The following SNX24 variants were observed in gnomAD, a reference collection of about 807,000 sequenced individuals.
SNX24 encodes sorting nexin 24.
A neutral mutation model predicts 28.7 loss-of-function variants in SNX24; 22 were observed. That is an observed-to-expected ratio of 0.77 (90% CI 0.55 to 1.10). The LOEUF is 1.10. SNX24 is among the 50% of genes least tolerant of loss of function. The probability of loss-of-function intolerance (pLI) is 0.00; values close to 1 mark genes in which losing one functional copy is unlikely to be tolerated. For synonymous variants in SNX24, 69 were observed against 71.5 expected (o/e 0.96, Z 0.18); for missense variants, 221 against 201.1 (o/e 1.10, Z -0.60).
At chr5:122,980,842 A>C (rs1441314978) in intron 3 of SNX24, among the ~76,000 whole-genome samples, 2 of 152,196 alleles carry the variant, frequency 1.3e-5, no homozygotes, top group East Asian at 3.9e-4. Flanking sequence ...TTGAAAAGAA[A>C]GAAGACCTTC....
rs1448787352 is a variant in SNX24 at position 122,845,706 on chromosome 5, C to T, written c.60+13C>T. 7.3e-7 allele frequency: 1 copy of T among 1,370,196 alleles called. No homozygotes were observed. Among genetic ancestry groups the T allele is most frequent in the East Asian group, 2.8e-5 (1 of 35,544 alleles). The allele number at this position is 1,370,196 out of a possible 1,614,324, so 84.9% of individuals were successfully genotyped here. A position where few individuals can be genotyped will look rare whatever the true frequency, so the allele number is the denominator to read the frequency against. ...GCGGGGATACACGGTAGGCGCGGGC[C>T]GCGGGCGGACAGGGCCCCGCGAGCC... is the stretch of plus-strand genomic sequence containing the variant. On this transcript the variant is annotated intron_variant, in intron 1 of 6. Coordinates refer to ENST00000261369, the MANE Select transcript of SNX24 (RefSeq NM_014035.4).
intron 1 of SNX24, among the ~76,000 whole-genome samples, chr5:122,914,833 C>A (rs1348028687): frequency 2.0e-5 from 3 of 151,800 alleles, no homozygotes; most frequent in Non-Finnish European, 4.4e-5. Flanking sequence ...TTTGTTGATC[C>A]TTTTTCAAAA....
chr5:122,949,491 C>A (rs1759839554), intron 3 of SNX24, among the ~76,000 whole-genome samples: 1 of 152,092 alleles, frequency 6.6e-6, no homozygotes, highest in East Asian at 1.9e-4. Flanking sequence ...ATAGAAATTT[C>A]AGATCTTAAG....
rs1433630402 is a variant in SNX24, at chr5:122,946,099, T to G, written c.189T>G (p.Val63=). 2.5e-6 allele frequency: 4 copies of G among 1,611,362 alleles called. No individual in the cohort carries two copies. In the Admixed American group the frequency reaches 5.0e-5, roughly 20 times the overall value. Residue 63 remains valine (V), a synonymous_variant, in exon 3 of 7, where the codon GTT becomes GTG. Coordinates refer to ENST00000261369, the MANE Select transcript of SNX24 (RefSeq NM_014035.4). The part of the protein sequence containing the change: ...IKTPEIPSKH[V]RNWVPKVLEQ... Reference sequence around the variant, plus strand: ...CTCCAGAAATCCCTTCTAAACATGTTAGGAACTGGGTCCCCAAAGTCTTGG... The same window carrying G: ...CTCCAGAAATCCCTTCTAAACATGTGAGGAACTGGGTCCCCAAAGTCTTGG...
chr5:122,857,728 A>G (rs1008748979), intron 1 of SNX24, among the ~76,000 whole-genome samples: 3 of 152,174 alleles, frequency 2.0e-5, no homozygotes, highest in African/African-American at 4.8e-5. Context: ...TGTTCCTGCA[A>G]AGGACATTCT....
chr5:122,887,545 C>T (rs1332281449), intron 1 of SNX24, among the ~76,000 whole-genome samples: 2 of 152,118 alleles, frequency 1.3e-5, no homozygotes, highest in African/African-American at 4.8e-5. Flanking sequence ...TCAATCTAGC[C>T]TTTATGCCTT....
intron 3 of SNX24, among the ~76,000 whole-genome samples, chr5:122,957,608 T>A (rs562765526): frequency 1.5e-4 from 23 of 152,346 alleles, no homozygotes; most frequent in African/African-American, 5.5e-4. Flanking sequence ...TGTAGATCAC[T>A]TTGGGTAATA....
intron 1 of SNX24, 77 bp downstream of exon 1, chr5:122,845,770 G>A: frequency 4.5e-6 from 4 of 887,342 alleles, no homozygotes; most frequent in Non-Finnish European, 6.1e-6. Flanking sequence ...ACCCTTGGCC[G>A]CCGCCGCCTT....
intron 1 of SNX24, 33 bp downstream of exon 1, chr5:122,845,726 C>T (rs779875391): frequency 2.3e-6 from 3 of 1,292,396 alleles, no homozygotes; most frequent in Middle Eastern, 4.2e-4. Context: ...CAGGGCCCCG[C>T]GAGCCAGGCC....
Position 122,845,651 on chromosome 5 carries a change from G to A in SNX24, c.18G>A (p.Pro6=), listed in dbSNP as rs745675296. The change falls in exon 1 of 7, where the codon CCG becomes CCA. Residue 6 remains proline, a synonymous_variant. Transcript: ENST00000261369. MEVYI[P]SFRYEESDLE... is the part of the protein sequence containing the mutation. ...GCGCGGCCATGGAGGTCTACATCCC[G>A]TCCTTTCGCTATGAAGAGAGCGACC... is the stretch of plus-strand genomic sequence containing the variant. 3 of 1,432,154 alleles carry A rather than the reference G, an allele frequency of 2.1e-6. No individual in the cohort carries two copies. Among genetic ancestry groups the A allele is most frequent in the East Asian group, 5.5e-5 (2 of 36,458 alleles). 88.7% of individuals were successfully genotyped at this position (1,432,154 alleles called of 1,614,324 possible).
chr5:122,868,164 C>T (rs1581686926), intron 1 of SNX24, among the ~76,000 whole-genome samples: 1 of 152,316 alleles, frequency 6.6e-6, no homozygotes, highest in East Asian at 1.9e-4. Flanking sequence ...AGAGAGAAGG[C>T]AGTGTAGCTG....
At chr5:122,896,231 A>G (rs758675754) in intron 1 of SNX24, among the ~76,000 whole-genome samples, 3 of 152,246 alleles carry the variant, frequency 2.0e-5, no homozygotes, top group Non-Finnish European at 4.4e-5. Context: ...TCTTTGGCAC[A>G]CATGTTGTAA....
At chr5:122,993,061 T>G (rs1188456627) in intron 3 of SNX24, among the ~76,000 whole-genome samples, 1 of 152,118 alleles carries the variant, frequency 6.6e-6, no homozygotes, top group African/African-American at 2.4e-5. Flanking sequence ...ATTCAGCGTT[T>G]AGTGCAGGTC....
intron 1 of SNX24, among the ~76,000 whole-genome samples, chr5:122,884,740 A>G (rs1240996908): frequency 1.3e-5 from 2 of 152,074 alleles, no homozygotes; most frequent in African/African-American, 2.4e-5. Flanking sequence ...GGGTGAAATA[A>G]TAGGTGTCGA....
At chr5:123,009,751 T>C (rs1762530250), downstream of SNX24, among the ~76,000 whole-genome samples, 1 of 152,208 alleles carries the variant, frequency 6.6e-6, no homozygotes, top group Non-Finnish European at 1.5e-5. Context: ...ACTGAATGCT[T>C]ACAGAATCTG....
At chr5:122,871,629 G>C (rs565165439) in intron 1 of SNX24, among the ~76,000 whole-genome samples, 1 of 152,106 alleles carries the variant, frequency 6.6e-6, no homozygotes, top group Non-Finnish European at 1.5e-5. Flanking sequence ...AATTAGCCGG[G>C]TGTGGTGACA....
chr5:122,986,861 G>GTGGA (rs1198383323), intron 3 of SNX24, among the ~76,000 whole-genome samples: 145 of 96,360 alleles, frequency 1.5e-3, no homozygotes, highest in South Asian at 2.6e-3. Flanking sequence ...GGGTGGGTGG[G>GTGGA]TGGATGGATG....
At position 122,974,649 on chromosome 5, in the gene SNX24, G is replaced by C. The variant is rs116103696; in HGVS notation, c.250-25263G>C. Among the ~76,000 whole-genome samples, 339 of 152,338 alleles carry C rather than the reference G, an allele frequency of 2.2e-3. 2 individuals carry two copies. Among genetic ancestry groups the C allele is most frequent in the African/African-American group, 7.8e-3 (326 of 41,570 alleles). ...TTGGCTAAGCTTATGCGAATACACT[G>C]TCATTCTCCAAAATCCATCTGTCTT... On this transcript the variant is annotated intron_variant, in intron 3 of 6. Transcript: ENST00000261369.
At position 122,880,823 on chromosome 5, in the gene SNX24, C is replaced by G. The variant is rs536216426; in HGVS notation, c.60+35130C>G. Among the ~76,000 whole-genome samples the G allele has an allele frequency of 2.0e-5, 3 of 152,170 alleles. No individual in the cohort carries two copies. The South Asian group carries it at 6.2e-4, about 31-fold the overall frequency. ...CCCAGGTGATTCAAATCTGGGAACT[C>G]TGCACAATTCTGTAAACTAACCACA... On this transcript the variant is annotated intron_variant, in intron 1 of 6. Coordinates refer to ENST00000261369, the MANE Select transcript of SNX24 (RefSeq NM_014035.4).
Sources: gnomAD v4.1 joint callset for allele counts (sites outside exome capture counted in the v4.1 genomes callset) on GRCh38, gnomAD v4.1.1 for gene constraint, MANE v1.5 for transcripts, NCBI Gene and HGNC (gene_info 2026-07-23, HGNC 2026-07-21) for gene names.